Variants in HMGB1 observed in about 807,000 individuals in gnomAD.
The protein encoded by HMGB1 is high mobility group box 1, also known as high mobility group protein B1.
For missense variants in HMGB1, 79 were observed against 253.5 expected, an observed-to-expected ratio of 0.31 and a Z score of 4.67; for synonymous variants, 81 against 84.0, an observed-to-expected ratio of 0.96 and a Z score of 0.19.
intron 1 of HMGB1, among the ~76,000 whole-genome samples, chr13:30,547,370 CAAAACCTCATGAACAA>C (rs1869209439): frequency 6.6e-6 from 1 of 152,154 alleles, no homozygotes; most frequent in South Asian, 2.1e-4. Context: ...TGTATGTTGG[CAAAACCTCATGAACAA>C]AACACAGGGC....
In HMGB1 at chr13:30,459,468, C is replaced by A. The variant is rs1487640669; in HGVS notation, c.*1889G>T. The stretch of plus-strand genomic sequence containing the variant: ...TTGGTGATTAATGGTGATTTCTATA[C>A]AGTAGAAACTTCCATCTAAATCAGA... On this transcript the variant is annotated 3_prime_UTR_variant, in exon 5 of 5. Coordinates refer to ENST00000341423, the MANE Select transcript of HMGB1 (RefSeq NM_002128.7). 1 of 152,170 alleles carries A rather than the reference C, an allele frequency of 6.6e-6. No homozygotes were observed. The highest frequency in any genetic ancestry group is 1.9e-4 in the East Asian group (1 of 5,198). The allele number at this position is 152,170 out of a possible 1,614,324, so 9.4% of individuals were successfully genotyped here.
intron 1 of HMGB1, among the ~76,000 whole-genome samples, chr13:30,595,464 T>A (rs184232030): frequency 3.3e-5 from 5 of 152,248 alleles, no homozygotes; most frequent in African/African-American, 1.2e-4. Context: ...TAGTGGCAGA[T>A]GATATATACA....
rs1479693494 is a variant in HMGB1, at chr13:30,514,312, C to G, written c.-14-50618G>C. On this transcript the variant is annotated intron_variant, in intron 1 of 4. Transcript: ENST00000405805. ...GTAGGGGTTTAGAGCTCAATCAATG[C>G]TAGCCATTGCTATTATTATCCCTCA... is the stretch of plus-strand genomic sequence containing the variant. Among the ~76,000 whole-genome samples, 4 of 150,124 alleles carry G rather than the reference C, an allele frequency of 2.7e-5. No individual in the cohort carries two copies. In the East Asian group the frequency reaches 8.0e-4, roughly 30 times the overall value.
intron 1 of HMGB1, among the ~76,000 whole-genome samples, chr13:30,553,256 G>A (rs1186478964): frequency 6.6e-6 from 1 of 152,130 alleles, no homozygotes; most frequent in Non-Finnish European, 1.5e-5. Flanking sequence ...ATTCCTTGGT[G>A]TCACATTCCC....
rs1262787524 is a variant in HMGB1, at chr13:30,458,759, T to TA, written c.*2597dup. The TA allele has an allele frequency of 6.6e-6, 1 of 152,248 alleles. No homozygotes were observed. The highest frequency in any genetic ancestry group is 6.5e-5 in the Admixed American group (1 of 15,280). The allele number at this position is 152,248 out of a possible 1,614,324, so 9.4% of individuals were successfully genotyped here. On this transcript the variant is annotated 3_prime_UTR_variant, in exon 5 of 5. Transcript: ENST00000341423. ...GGGCGCTTTTCTTATCTTTATCATT[T>TA]AATCATTACCCCTCGGGTACACAGG...
chr13:30,471,887 G>A (rs1250294787), intron 1 of HMGB1, among the ~76,000 whole-genome samples: 1 of 150,640 alleles, frequency 6.6e-6, no homozygotes, highest in Non-Finnish European at 1.5e-5. Context: ...GGCTGGTCTT[G>A]AACTCCTGAC....
intron 1 of HMGB1, among the ~76,000 whole-genome samples, chr13:30,473,832 CA>C (rs920721404): frequency 2.0e-5 from 3 of 152,130 alleles, no homozygotes; most frequent in African/African-American, 7.2e-5. Flanking sequence ...TTGTAACAGT[CA>C]AAAAGTGGAA....
chr13:30,464,810 AGGGTGCGGGCGCGGCGGC>A (rs1210160479), intron 1 of HMGB1: 1 of 159,024 alleles, frequency 6.3e-6, no homozygotes, highest in Non-Finnish European at 1.2e-5. Context: ...TGTGAGTGCG[AGGGTGCGGGCGCGGCGGC>A]GGCGGCGGGC....
intron 1 of HMGB1, among the ~76,000 whole-genome samples, chr13:30,530,219 G>A (rs1888463876): frequency 6.6e-6 from 1 of 152,090 alleles, no homozygotes; most frequent in African/African-American, 2.4e-5. Context: ...TAAGAATGTT[G>A]CATAAAATTA....
chr13:30,545,013 G>A (rs1340191926), intron 1 of HMGB1, among the ~76,000 whole-genome samples: 1 of 152,116 alleles, frequency 6.6e-6, no homozygotes. Context: ...GTTTTAGGTT[G>A]CAATATCTTC....
chr13:30,463,866 G>T (rs935800765), intron 1 of HMGB1, 172 bp from the exon 2 acceptor site: 1 of 550,684 alleles, frequency 1.8e-6, no homozygotes, highest in South Asian at 2.7e-5. Flanking sequence ...CCTTGAAGGG[G>T]CTATGCCAAG....
At chr13:30,592,915 CA>C (rs1356897862) in intron 1 of HMGB1, among the ~76,000 whole-genome samples, 1 of 148,570 alleles carries the variant, frequency 6.7e-6, no homozygotes, top group Admixed American at 6.7e-5. Context: ...TCATATAGTG[CA>C]AAACAACAAT....
intron 1 of HMGB1, among the ~76,000 whole-genome samples, chr13:30,612,470 TAC>T (rs1244072983): frequency 1.3e-5 from 2 of 152,214 alleles, no homozygotes; most frequent in African/African-American, 2.4e-5. Flanking sequence ...TTCAAGCGAA[TAC>T]AGTTACTAAA....
At chr13:30,524,347 A>G (rs1163359589) in intron 1 of HMGB1, among the ~76,000 whole-genome samples, 68 of 48,500 alleles carry the variant, frequency 1.4e-3, no homozygotes, top group African/African-American at 3.9e-3. Context: ...TAAAAAAAAA[A>G]AAAAAAAAAA....
At chr13:30,468,164 A>G (rs1423808746), upstream of HMGB1, among the ~76,000 whole-genome samples, 1 of 152,210 alleles carries the variant, frequency 6.6e-6, no homozygotes, top group Non-Finnish European at 1.5e-5. Context: ...TAATTTAGAA[A>G]ACCTCAAGTG....
intron 3 of HMGB1, 92 bp downstream of exon 3, chr13:30,463,115 T>G: frequency 8.0e-7 from 1 of 1,244,318 alleles, no homozygotes; most frequent in Non-Finnish European, 1.1e-6. Flanking sequence ...GATTGTACAT[T>G]TACACTCTAA....
intron 1 of HMGB1, among the ~76,000 whole-genome samples, chr13:30,514,742 A>G (rs983386487): frequency 5.9e-5 from 9 of 152,152 alleles, no homozygotes; most frequent in African/African-American, 1.7e-4. Flanking sequence ...GGCTCAAGCC[A>G]TCCTCCCGCC....
At chr13:30,596,370 T>C (rs771017375) in intron 1 of HMGB1, among the ~76,000 whole-genome samples, 6 of 152,222 alleles carry the variant, frequency 3.9e-5, no homozygotes, top group Non-Finnish European at 8.8e-5. Flanking sequence ...TGGTTTACCA[T>C]ACGCGCCTTA....
intron 1 of HMGB1, chr13:30,464,761 T>G (rs1365102132): frequency 2.4e-5 from 4 of 164,484 alleles, no homozygotes; most frequent in African/African-American, 2.6e-5. Context: ...CTCCTTCCCT[T>G]TGTGTGTGTG....
Sources: allele counts gnomAD v4.1 joint callset (sites outside exome capture counted in the v4.1 genomes callset), GRCh38; gene constraint gnomAD v4.1.1; transcripts MANE v1.5; gene names NCBI Gene and HGNC (gene_info 2026-07-23, HGNC 2026-07-21).